POLQ: variants seen among roughly 807,000 people sequenced by gnomAD.
The protein encoded by POLQ is DNA polymerase theta.
A neutral mutation model predicts 259.2 loss-of-function variants in POLQ; 233 were observed. The observed-to-expected ratio is 0.90, with a 90% CI of 0.81 to 1.00. The LOEUF (loss-of-function observed/expected upper bound fraction) is 1.00. Ranked by LOEUF, POLQ falls within the 50% of genes least tolerant of loss-of-function variation. The probability of loss-of-function intolerance (pLI) is 0.00; values close to 1 mark genes in which losing one functional copy is unlikely to be tolerated. For missense variants in POLQ, 2,871 were observed against 3,051.6 expected, an observed-to-expected ratio of 0.94 and a Z score of 1.39; for synonymous variants, 1,025 against 1,048.8, an observed-to-expected ratio of 0.98 and a Z score of 0.44.
intron 24 of POLQ, among the ~76,000 whole-genome samples, chr3:121,465,641 T>C (rs1379409017): frequency 6.6e-6 from 1 of 152,204 alleles, no homozygotes; most frequent in Non-Finnish European, 1.5e-5. Context: ...ATGCTCACAT[T>C]ATTTCAAACC....
chr3:121,495,534 C>T (rs1249658321), intron 14 of POLQ, among the ~76,000 whole-genome samples: 3 of 151,954 alleles, frequency 2.0e-5, no homozygotes, highest in Non-Finnish European at 2.9e-5. Context: ...ATCTTTGATA[C>T]CAGTGAGTCT....
chr3:121,432,961 T>C lies in POLQ; in HGVS notation c.7616A>G (p.His2539Arg). 6.2e-7 allele frequency: 1 copy of C among 1,611,328 alleles called. No individual in the cohort carries two copies. Among genetic ancestry groups the C allele is most frequent in the Non-Finnish European group, 8.5e-7 (1 of 1,177,478 alleles). The change falls in exon 29 of 30, where the codon CAT becomes CGT. Residue 2539 changes from histidine (H) to arginine (R), a missense_variant. Physicochemically the swap from His to Arg is conservative, Grantham distance 29. This residue lies in a region of POLQ where 2,080 missense variants were observed against 2,126.0 expected (regional missense o/e 0.98). Coordinates refer to ENST00000264233, the MANE Select transcript of POLQ (RefSeq NM_199420.4). ...TGCCACTTCATATAGGAGTTCATCA[T>C]GGAGTTGAAGGATGAAGAAGCCTCC... ...IRGGFFILQL[H>R]DELLYEVAEE...
At chr3:121,461,920 T>C (rs1480188382) in intron 24 of POLQ, among the ~76,000 whole-genome samples, 2 of 152,196 alleles carry the variant, frequency 1.3e-5, no homozygotes, top group African/African-American at 4.8e-5. Context: ...CTGAACTATG[T>C]TAATGAATAA....
At chr3:121,524,130 A>C (rs919062036) in intron 7 of POLQ, among the ~76,000 whole-genome samples, 1 of 152,200 alleles carries the variant, frequency 6.6e-6, no homozygotes, top group Non-Finnish European at 1.5e-5. Flanking sequence ...AAGATAACAA[A>C]ATCTCAAGAA....
At chr3:121,511,099 G>A (rs576133383) in intron 10 of POLQ, among the ~76,000 whole-genome samples, 3 of 152,166 alleles carry the variant, frequency 2.0e-5, no homozygotes, top group South Asian at 2.1e-4. Context: ...GGTGGCGGGC[G>A]CCTGTAGTCC....
At chr3:121,463,242 A>T (rs991004446) in intron 24 of POLQ, among the ~76,000 whole-genome samples, 1 of 152,108 alleles carries the variant, frequency 6.6e-6, no homozygotes, top group South Asian at 2.1e-4. Flanking sequence ...ACGAGATCTG[A>T]TGGTTTTATA....
Position 121,449,335 on chromosome 3 carries a change from G to T in POLQ, c.7244C>A (p.Ser2415Tyr). 1.3e-6 allele frequency: 2 copies of T among 1,541,546 alleles called. No individual in the cohort carries two copies. The highest frequency in any genetic ancestry group is 1.8e-6 in the Non-Finnish European group (2 of 1,114,168). The change falls in exon 26 of 30, where the codon TCC (serine) becomes TAC (tyrosine). Residue 2415 changes from serine to tyrosine, a missense_variant. This residue lies in a region of POLQ where 2,080 missense variants were observed against 2,126.0 expected (regional missense o/e 0.98). Transcript: ENST00000264233. ...ATTACCTGTGTATCTGGATTTGAAG[G>T]AGTCAATATAGCATGCAGCATCATT... ...KENDAACYID[S>Y]FKSRYTGINQ...
chr3:121,452,559 G>GCA (rs2047688096), intron 25 of POLQ, among the ~76,000 whole-genome samples: 1 of 150,082 alleles, frequency 6.7e-6, no homozygotes, highest in Non-Finnish European at 1.5e-5. Flanking sequence ...CAGGGATTAG[G>GCA]TGGTTCAGTG....
intron 25 of POLQ, among the ~76,000 whole-genome samples, chr3:121,450,382 TA>T (rs1476049266): frequency 2.6e-5 from 4 of 152,144 alleles, no homozygotes; most frequent in African/African-American, 7.2e-5. Flanking sequence ...TTATTTTTTT[TA>T]TTATACTTTA....
intron 25 of POLQ, among the ~76,000 whole-genome samples, chr3:121,454,302 G>A (rs1318870339): frequency 6.6e-6 from 1 of 152,162 alleles, no homozygotes; most frequent in Non-Finnish European, 1.5e-5. Context: ...AGACCATTGA[G>A]GCTAGGAAGA....
intron 5 of POLQ, among the ~76,000 whole-genome samples, chr3:121,535,735 A>G (rs911076312): frequency 1.0e-4 from 15 of 143,564 alleles, no homozygotes; most frequent in African/African-American, 3.0e-4. Flanking sequence ...AAAAAAAAAG[A>G]AAGAATTATG....
chr3:121,433,835 C>CT (rs1398587639), intron 28 of POLQ, among the ~76,000 whole-genome samples: 21 of 152,204 alleles, frequency 1.4e-4, no homozygotes, highest in Non-Finnish European at 2.8e-4. Flanking sequence ...AAATTCCCTA[C>CT]TTATCTTTCA....
At chr3:121,437,793 A>G (rs1474117370) in intron 27 of POLQ, among the ~76,000 whole-genome samples, 1 of 152,260 alleles carries the variant, frequency 6.6e-6, no homozygotes, top group African/African-American at 2.4e-5. Context: ...TCAAGAGAAA[A>G]ATAGATAAAT....
rs752146846 is a variant in POLQ at position 121,432,920 on chromosome 3, GAAC to G, written c.7654_7656del (p.Val2552del). 11 of 1,554,050 alleles carry G rather than the reference GAAC, an allele frequency of 7.1e-6. No individual in the cohort carries two copies. The East Asian group carries it at 2.5e-4, about 35-fold the overall frequency. ...GGACACAAGCATTGCAAAAATACCTGAACAACATCTTCTTCTGCCACTTCATAT... is the reference window on the plus strand; with the variant it reads ...GGACACAAGCATTGCAAAAATACCTGAACATCTTCTTCTGCCACTTCATAT... On this transcript the variant is annotated inframe_deletion, in exon 29 of 30. Coordinates refer to ENST00000264233, the MANE Select transcript of POLQ (RefSeq NM_199420.4).
At chr3:121,469,047 C>A (rs2047861607) in intron 22 of POLQ, among the ~76,000 whole-genome samples, 1 of 151,982 alleles carries the variant, frequency 6.6e-6, no homozygotes, top group South Asian at 2.1e-4. Context: ...ATTAGCTGGG[C>A]ATGATGGCGG....
At chr3:121,518,408 A>G (rs575968729) in intron 9 of POLQ, among the ~76,000 whole-genome samples, 2 of 152,338 alleles carry the variant, frequency 1.3e-5, no homozygotes, top group African/African-American at 4.8e-5. Context: ...ACAGTATAAG[A>G]GCTGAAACAA....
In POLQ at chr3:121,540,507, C is replaced by A. The variant is rs190329823; in HGVS notation, c.474+842G>T. ...ATAAAATATTGTATTTGTGAAAATG[C>A]CCTAAAAACTGTGAGCATCATATTG... On this transcript the variant is annotated intron_variant, in intron 3 of 29. Coordinates refer to ENST00000264233, the MANE Select transcript of POLQ (RefSeq NM_199420.4). 5.9e-5 allele frequency among the ~76,000 whole-genome samples: 9 copies of A among 152,288 alleles called. No individual in the cohort carries two copies. In the East Asian group the frequency reaches 1.5e-3, roughly 26 times the overall value.
chr3:121,525,822 T>G (rs763868668), intron 7 of POLQ, among the ~76,000 whole-genome samples: 2 of 152,240 alleles, frequency 1.3e-5, no homozygotes, highest in African/African-American at 2.4e-5. Flanking sequence ...CTTCTGTTAA[T>G]TCCTCTGGTG....
intron 7 of POLQ, 73 bp from the exon 8 acceptor site, chr3:121,522,222 T>C (rs889122491): frequency 4.5e-6 from 4 of 894,588 alleles, no homozygotes; most frequent in African/African-American, 1.8e-5. Context: ...TAAATCATAA[T>C]AGAGCTAAAT....
Sources: allele counts gnomAD v4.1 joint callset (sites outside exome capture counted in the v4.1 genomes callset), GRCh38; gene constraint gnomAD v4.1.1; regional missense constraint gnomAD v4.1.1; transcripts MANE v1.5; gene names NCBI Gene and HGNC (gene_info 2026-07-23, HGNC 2026-07-21).